Variants in MANSC4 observed in about 807,000 individuals in gnomAD.
MANSC4 encodes MANSC domain containing 4, also known as MANSC domain-containing protein 4.
Under a neutral mutation model 11.4 loss-of-function variants are expected in MANSC4, and 11 were observed. The observed-to-expected ratio is 0.97, with a 90% CI of 0.61 to 1.60. MANSC4 has a LOEUF of 1.60. Ranked by LOEUF, MANSC4 falls within the 40% of genes most tolerant of loss-of-function variation. MANSC4 has a pLI of 0.00. For missense variants in MANSC4, 354 were observed against 404.6 expected, an observed-to-expected ratio of 0.88 and a Z score of 1.07; for synonymous variants, 123 against 147.1, an observed-to-expected ratio of 0.84 and a Z score of 1.19.
chr12:27,772,396 T>C (rs1412518811), intron 1 of MANSC4, among the ~76,000 whole-genome samples: 1 of 152,216 alleles, frequency 6.6e-6, no homozygotes, highest in Non-Finnish European at 1.5e-5. Context: ...AATGACTCAT[T>C]CACCTTCTTG....
chr12:27,778,348 C>T (rs1014987262), intron 1 of MANSC4, among the ~76,000 whole-genome samples: 1 of 151,746 alleles, frequency 6.6e-6, no homozygotes, highest in Non-Finnish European at 1.5e-5. Context: ...AGATAAATTT[C>T]GTAGTAAGAA....
chr12:27,768,712 C>T (rs1031269398), intron 2 of MANSC4, among the ~76,000 whole-genome samples: 3 of 151,456 alleles, frequency 2.0e-5, no homozygotes, highest in Non-Finnish European at 4.4e-5. Context: ...ATGCAACTTC[C>T]GCCTCCTGGG....
In MANSC4 at chr12:27,763,050, T is replaced by C. The variant is rs1312006306; in HGVS notation, c.711A>G (p.Glu237=). 3 of 1,551,704 alleles carry C rather than the reference T, an allele frequency of 1.9e-6. No homozygotes were observed. Among genetic ancestry groups the C allele is most frequent in the Non-Finnish European group, 2.6e-6 (3 of 1,147,004 alleles). The part of the protein sequence containing the change: ...PDNKTISPFF[E]PIDTKLSHMP... ...TATGAGAAAGTTTTGTGTCTATGGG[T>C]TCAAAGAAAGGAGAAATAGTCTTAT... is the stretch of plus-strand genomic sequence containing the variant. Residue 237 remains glutamate, a synonymous_variant, in exon 4 of 4, where the codon GAA becomes GAG. Coordinates refer to ENST00000381273, the MANE Select transcript of MANSC4 (RefSeq NM_001146221.5).
Position 27,762,926 on chromosome 12 carries a change from A to G in MANSC4, c.835T>C (p.Ser279Pro), listed in dbSNP as rs780070571. 5 of 1,552,042 alleles carry G rather than the reference A, an allele frequency of 3.2e-6. No individual in the cohort carries two copies. The highest frequency in any genetic ancestry group is 2.7e-5 in the African/African-American group (2 of 73,058). ...ACCAGCCAAGTCTTTGAAGTCACAGATACCTCATCTTCATTTGCAGATGTG... is the reference window on the plus strand; with the variant it reads ...ACCAGCCAAGTCTTTGAAGTCACAGGTACCTCATCTTCATTTGCAGATGTG... Reference protein sequence around the residue: ...NHTSANEDEVSVTSKTWLVSV... With the variant: ...NHTSANEDEVPVTSKTWLVSV... The change falls in exon 4 of 4, where the codon TCT becomes CCT. Residue 279 changes from serine to proline, a missense_variant. Coordinates refer to ENST00000381273, the MANE Select transcript of MANSC4 (RefSeq NM_001146221.5).
chr12:27,762,850 A>T lies in MANSC4; in HGVS notation c.911T>A (p.Ile304Asn). 1.3e-6 allele frequency: 2 copies of T among 1,551,996 alleles called. No individual in the cohort carries two copies. The highest frequency in any genetic ancestry group is 1.4e-5 in the African/African-American group (1 of 73,142). ...SVIFLGCCIV[I>N]LASGCCGKQQ... Reference sequence around the variant, plus strand: ...CTTTCCACAGCATCCAGATGCCAGGATGACTATACAACAGCCGAGAAAGAT... The same window carrying T: ...CTTTCCACAGCATCCAGATGCCAGGTTGACTATACAACAGCCGAGAAAGAT... Residue 304 changes from isoleucine to asparagine, a missense_variant, in exon 4 of 4, where the codon ATC becomes AAC. Coordinates refer to ENST00000381273, the MANE Select transcript of MANSC4 (RefSeq NM_001146221.5).
chr12:27,762,766 C>T lies in MANSC4; in HGVS notation c.995G>A (p.Arg332His), dbSNP rs146148354. Residue 332 changes from arginine to histidine, a missense_variant, in exon 4 of 4, where the codon CGT (arginine) becomes CAT (histidine). Arg to His is a conservative substitution (Grantham distance 29). Coordinates refer to ENST00000381273, the MANE Select transcript of MANSC4 (RefSeq NM_001146221.5). Reference protein sequence around the residue: ...RKSGSLQIKNRNHMKENSS With the variant: ...RKSGSLQIKNHNHMKENSS The stretch of plus-strand genomic sequence containing the variant: ...TGAAGAGTTCTCCTTCATATGGTTA[C>T]GGTTTTTAATTTGCAAGGATCCTGA... 2,711 of 1,545,338 alleles carry T rather than the reference C, an allele frequency of 1.8e-3. 3 individuals carry two copies. Among genetic ancestry groups the T allele is most frequent in the Admixed American group, 2.4e-3 (120 of 49,690 alleles).
In MANSC4 at chr12:27,762,971, C is replaced by A; in HGVS notation, c.790G>T (p.Gly264Ter). The change falls in exon 4 of 4, where the codon GGA (glycine) becomes TGA (stop). Residue 264 changes from glycine to a stop codon, truncating the protein, a stop_gained. Coordinates refer to ENST00000381273, the MANE Select transcript of MANSC4 (RefSeq NM_001146221.5). LOFTEE classifies it low-confidence loss of function (END_TRUNC). ...GATGTGTGGTTTCTGCTATTGTATC[C>A]TTTGGTTTTGTTTAGTAATTGTTTG... ...SSKQLLNKTK[G>*]YNSRNHTSAN... The A allele has an allele frequency of 3.9e-6, 6 of 1,551,784 alleles. No homozygotes were observed. Among genetic ancestry groups the A allele is most frequent in the South Asian group, 1.2e-5 (1 of 84,054 alleles).
At chr12:27,771,999 C>T (rs1333388821) in intron 1 of MANSC4, among the ~76,000 whole-genome samples, 3 of 152,078 alleles carry the variant, frequency 2.0e-5, no homozygotes, top group African/African-American at 4.8e-5. Flanking sequence ...GCTGAGATGA[C>T]ACTACTGCAC....
intron 3 of MANSC4, among the ~76,000 whole-genome samples, chr12:27,765,701 A>C (rs940095604): frequency 6.6e-6 from 1 of 152,194 alleles, no homozygotes; most frequent in Non-Finnish European, 1.5e-5. Context: ...TTATAAAGGA[A>C]ATTGAGAGCA....
chr12:27,765,779 A>T (rs1161587587), intron 3 of MANSC4, among the ~76,000 whole-genome samples: 2 of 152,194 alleles, frequency 1.3e-5, no homozygotes, highest in Non-Finnish European at 2.9e-5. Flanking sequence ...ATACATACAA[A>T]CTGATAAAGA....
rs1204497319 is a variant in MANSC4, at chr12:27,778,578, C to CAAA, written c.-307+1629_-307+1631dup. Among the ~76,000 whole-genome samples the CAAA allele has an allele frequency of 2.5e-3, 380 of 150,898 alleles. 4 individuals carry two copies. Among genetic ancestry groups the CAAA allele is most frequent in the East Asian group, 7.8e-3 (40 of 5,116 alleles). Reference sequence around the variant, plus strand: ...AGCTTGTAATAATAAAAAAAAAAACCAAACACATATTCTCTCCAAGTTAAG... The same window carrying CAAA: ...AGCTTGTAATAATAAAAAAAAAAACCAAAAAACACATATTCTCTCCAAGTTAAG... On this transcript the variant is annotated intron_variant, in intron 1 of 3. Coordinates refer to ENST00000381273, the MANE Select transcript of MANSC4 (RefSeq NM_001146221.5).
In MANSC4 at chr12:27,776,088, C is replaced by CAA. The variant is rs35924016; in HGVS notation, c.-307+4120_-307+4121dup. On this transcript the variant is annotated intron_variant, in intron 1 of 3. Transcript: ENST00000381273. ...CTGGGCAACAAGAGCGAGACTGTCTCAAAAAAAAAAAAAAAAAAAAGTATA... is the reference window on the plus strand; with the variant it reads ...CTGGGCAACAAGAGCGAGACTGTCTCAAAAAAAAAAAAAAAAAAAAAAGTATA... Among the ~76,000 whole-genome samples the CAA allele has an allele frequency of 3.1e-3, 196 of 63,070 alleles. 1 individual carries two copies. The highest frequency in any genetic ancestry group is 0.013 in the African/African-American group (184 of 14,304). 41.4% of individuals were successfully genotyped at this position (63,070 alleles called of 152,430 possible). A position where few individuals can be genotyped will look rare whatever the true frequency, so the allele number is the denominator to read the frequency against.
At chr12:27,774,963 G>A (rs977468576) in intron 1 of MANSC4, among the ~76,000 whole-genome samples, 3 of 152,124 alleles carry the variant, frequency 2.0e-5, no homozygotes, top group Non-Finnish European at 4.4e-5. Flanking sequence ...GGCGGAGCTT[G>A]CAGTGAGCTG....
intron 1 of MANSC4, among the ~76,000 whole-genome samples, chr12:27,775,095 A>G (rs567443555): frequency 6.6e-6 from 1 of 152,258 alleles, no homozygotes; most frequent in South Asian, 2.1e-4. Flanking sequence ...TAAAGGTTAA[A>G]GCAGAGGGCA....
intron 1 of MANSC4, among the ~76,000 whole-genome samples, chr12:27,778,758 T>C (rs2062129645): frequency 6.6e-6 from 1 of 152,042 alleles, no homozygotes. Flanking sequence ...AATATATTTC[T>C]CCCCCCACCC....
chr12:27,762,685 C>A lies in MANSC4; in HGVS notation c.*53G>T. ...TTTTTAACCAAACTGCGTTTTCTTA[C>A]ACAAAACTAAAAATGATATCCTTGA... On this transcript the variant is annotated 3_prime_UTR_variant, in exon 4 of 4. Transcript: ENST00000381273. The A allele has an allele frequency of 7.1e-7, 1 of 1,406,650 alleles. No homozygotes were observed. Among genetic ancestry groups the A allele is most frequent in the Non-Finnish European group, 9.4e-7 (1 of 1,066,364 alleles). The allele number at this position is 1,406,650 out of a possible 1,614,324, so 87.1% of individuals were successfully genotyped here.
At chr12:27,766,605 T>C in intron 3 of MANSC4, 60 bp downstream of exon 3, 1 of 1,512,228 alleles carries the variant, frequency 6.6e-7, no homozygotes, top group African/African-American at 1.4e-5. Context: ...TTCTCAGCTA[T>C]ATGCCTCTAC....
At chr12:27,777,876 G>GT (rs1355584211) in intron 1 of MANSC4, among the ~76,000 whole-genome samples, 1 of 151,966 alleles carries the variant, frequency 6.6e-6, no homozygotes, top group Non-Finnish European at 1.5e-5. Flanking sequence ...GGGGCCAGGA[G>GT]TTTGAGGTCT....
intron 3 of MANSC4, among the ~76,000 whole-genome samples, chr12:27,765,634 A>G (rs935695083): frequency 3.3e-5 from 5 of 152,048 alleles, no homozygotes; most frequent in Non-Finnish European, 5.9e-5. Context: ...AGCTTCACAT[A>G]TTTTTGTATT....
Sources: gnomAD v4.1 joint callset for allele counts (sites outside exome capture counted in the v4.1 genomes callset) on GRCh38, gnomAD v4.1.1 for gene constraint, MANE v1.5 for transcripts, NCBI Gene and HGNC (gene_info 2026-07-23, HGNC 2026-07-21) for gene names.